Variants in PDXK observed in about 807,000 individuals in gnomAD.
PDXK encodes the protein epididymis secretory sperm binding protein Li 1a.
In PDXK, 15 loss-of-function variants were observed where a neutral mutation model predicts 43.2. The observed-to-expected ratio is 0.35, with a 90% CI of 0.23 to 0.53. The LOEUF (loss-of-function observed/expected upper bound fraction) is 0.53, where lower values mean the gene tolerates loss of function less well. Ranked by LOEUF, PDXK falls within the 20% of genes least tolerant of loss-of-function variation. The pLI is 0.92. For synonymous variants in PDXK, 172 were observed against 165.4 expected (o/e 1.04, Z -0.31); for missense variants, 343 against 417.0 (o/e 0.82, Z 1.54).
intron 1 of PDXK, among the ~76,000 whole-genome samples, chr21:43,720,066 G>C (rs894750054): frequency 2.0e-5 from 3 of 152,244 alleles, no homozygotes; most frequent in African/African-American, 7.2e-5. Flanking sequence ...GTGCGGATTG[G>C]CTTTAGGGAG....
At chr21:43,719,910 G>T in intron 1 of PDXK, 1 of 985,476 alleles carries the variant, frequency 1.0e-6, no homozygotes, top group Non-Finnish European at 1.2e-6. Flanking sequence ...GTGCCCACGA[G>T]GGTGGATTCC....
chr21:43,732,795 T>A lies in PDXK; in HGVS notation c.88-1274T>A. 1 of 595,326 alleles carries A rather than the reference T, an allele frequency of 1.7e-6. No individual in the cohort carries two copies. Among genetic ancestry groups the A allele is most frequent in the Non-Finnish European group, 3.0e-6 (1 of 338,600 alleles). The allele number at this position is 595,326 out of a possible 1,614,324, so 36.9% of individuals were successfully genotyped here. On this transcript the variant is annotated intron_variant, in intron 1 of 10. Coordinates refer to ENST00000291565, the MANE Select transcript of PDXK (RefSeq NM_003681.5). This position sits in a 1 kb window ranked among gnomAD's most constrained non-coding sequence, Gnocchi z 4.1. The stretch of plus-strand genomic sequence containing the variant: ...CATATTCTCACTCCGTCACCCAGGC[T>A]AGAGTGCAGTGGTGCCATCAGGGCT...
At chr21:43,750,979 T>TGCGC (rs1555885791) in intron 7 of PDXK, among the ~76,000 whole-genome samples, 5 of 148,288 alleles carry the variant, frequency 3.4e-5, no homozygotes, top group African/African-American at 1.3e-4. Context: ...TGTGTGTGTG[T>TGCGC]GCACATGTGT....
At chr21:43,728,645 A>C in intron 1 of PDXK, 1 of 811,684 alleles carries the variant, frequency 1.2e-6, no homozygotes, top group African/African-American at 1.8e-5. Flanking sequence ...GCTGCCGATA[A>C]GGCGCGCACG....
Position 43,753,723 on chromosome 21 carries a change from AG to A in PDXK, c.759+5del, listed in dbSNP as rs1434180980. The A allele has an allele frequency of 6.2e-7, 1 of 1,609,248 alleles. No homozygotes were observed. The highest frequency in any genetic ancestry group is 1.7e-5 in the Admixed American group (1 of 59,694). ...CAAGCACCCCAATAACCTCAAGGTC[AG>A]CCACACGCACCGCTCCCCTCCTCGC... On this transcript the variant is annotated splice_donor_5th_base_variant and intron_variant, in intron 9 of 10. Transcript: ENST00000291565.
intron 2 of PDXK, among the ~76,000 whole-genome samples, chr21:43,736,158 T>C (rs960430389): frequency 1.3e-5 from 2 of 152,178 alleles, no homozygotes; most frequent in Non-Finnish European, 2.9e-5. Flanking sequence ...ACCCTCTGTC[T>C]AAGGGCTAGA....
rs1444537224 is a variant in PDXK at position 43,732,448 on chromosome 21, T to C, written c.88-1621T>C. On this transcript the variant is annotated intron_variant, in intron 1 of 10. Transcript: ENST00000291565. The surrounding 1 kb of genome is among the most constrained non-coding windows in gnomAD (Gnocchi z 4.1). The stretch of plus-strand genomic sequence containing the variant: ...AATAAGCTGATTTTGATGGGGTGTG[T>C]GAAACGGAGATGCCAGCCCAGGGGC... The C allele has an allele frequency of 6.2e-7, 1 of 1,612,390 alleles. No individual in the cohort carries two copies.
rs1026094542 is a variant in PDXK, at chr21:43,735,206, G to T, written c.142+1083G>T. Among the ~76,000 whole-genome samples, 5 of 152,224 alleles carry T rather than the reference G, an allele frequency of 3.3e-5. No individual in the cohort carries two copies. The highest frequency in any genetic ancestry group is 5.9e-5 in the Non-Finnish European group (4 of 68,034). On this transcript the variant is annotated intron_variant, in intron 2 of 10. Transcript: ENST00000291565. This position sits in a 1 kb window ranked among gnomAD's most constrained non-coding sequence, Gnocchi z 5.3. ...CCCCGAAGACTCAGGCCCTCCAGGA[G>T]CCTCCCTGAACCCACATGTCCTTCC...
chr21:43,728,889 C>T (rs1463476333), intron 1 of PDXK: 3 of 985,430 alleles, frequency 3.0e-6, no homozygotes, highest in East Asian at 2.3e-4. Context: ...GAGGAAGTTG[C>T]GACCCTTTCT....
intron 1 of PDXK, among the ~76,000 whole-genome samples, chr21:43,726,290 T>G (rs1046133306): frequency 6.8e-6 from 1 of 146,848 alleles, no homozygotes; most frequent in African/African-American, 2.5e-5. Flanking sequence ...TTTTTTTTTT[T>G]GAGACGGAGT....
Position 43,760,164 on chromosome 21 carries a change from ATTTTTTGTTT to A in PDXK, c.*4118_*4127del, listed in dbSNP as rs900673093. 6.9e-6 allele frequency: 1 copy of A among 144,896 alleles called. No individual in the cohort carries two copies. The highest frequency in any genetic ancestry group is 1.5e-5 in the Non-Finnish European group (1 of 65,240). 9.0% of individuals were successfully genotyped at this position (144,896 alleles called of 1,614,324 possible). A position where few individuals can be genotyped will look rare whatever the true frequency, so the allele number is the denominator to read the frequency against. Reference sequence around the variant, plus strand: ...AGGTGGAAGGAGGTGGGAATCTTGGATTTTTTGTTTTTTTTTGTTTTTTTTTTTTTGAGGT... The same window carrying A: ...AGGTGGAAGGAGGTGGGAATCTTGGATTTTTTGTTTTTTTTTTTTTGAGGT... On this transcript the variant is annotated 3_prime_UTR_variant, in exon 11 of 11. Transcript: ENST00000291565.
At chr21:43,728,259 G>T (rs930392548) in intron 1 of PDXK, among the ~76,000 whole-genome samples, 1 of 152,198 alleles carries the variant, frequency 6.6e-6, no homozygotes, top group Admixed American at 6.5e-5. Context: ...AGTGGCAGGC[G>T]GTGGGAGGGA....
In PDXK at chr21:43,732,118, A is replaced by G; in HGVS notation, c.88-1951A>G. On this transcript the variant is annotated intron_variant, in intron 1 of 10. Coordinates refer to ENST00000291565, the MANE Select transcript of PDXK (RefSeq NM_003681.5). This position sits in a 1 kb window ranked among gnomAD's most constrained non-coding sequence, Gnocchi z 4.1. Reference sequence around the variant, plus strand: ...CCGGGGGAAGAAGAGCACTGCTGACAGAAGCCCATTCTCTTCGCAGGCTTC... The same window carrying G: ...CCGGGGGAAGAAGAGCACTGCTGACGGAAGCCCATTCTCTTCGCAGGCTTC... 1 of 1,315,348 alleles carries G rather than the reference A, an allele frequency of 7.6e-7. No individual in the cohort carries two copies. Among genetic ancestry groups the G allele is most frequent in the East Asian group, 3.2e-5 (1 of 31,600 alleles). The allele number at this position is 1,315,348 out of a possible 1,614,324, so 81.5% of individuals were successfully genotyped here.
chr21:43,753,524 G>T, intron 8 of PDXK, 59 bp from the exon 9 acceptor site: 1 of 1,557,792 alleles, frequency 6.4e-7, no homozygotes, highest in Non-Finnish European at 8.7e-7. Context: ...AGGGATGGGA[G>T]GCTGGCCCTG....
At chr21:43,750,277 G>C (rs2083711604) in intron 6 of PDXK, among the ~76,000 whole-genome samples, 1 of 152,272 alleles carries the variant, frequency 6.6e-6, no homozygotes, top group Non-Finnish European at 1.5e-5. Flanking sequence ...ATAAACAGCA[G>C]CCATGATTGG....
At chr21:43,722,861 G>A (rs547334105) in intron 1 of PDXK, among the ~76,000 whole-genome samples, 10 of 152,072 alleles carry the variant, frequency 6.6e-5, no homozygotes, top group East Asian at 1.9e-4. Context: ...TTTTTGAGAC[G>A]GAGTCTTGCT....
intron 3 of PDXK, among the ~76,000 whole-genome samples, chr21:43,743,263 C>G (rs1392522418): frequency 1.8e-5 from 2 of 108,376 alleles, no homozygotes; most frequent in South Asian, 3.8e-4. Flanking sequence ...CTCCCTCCCC[C>G]CAGCTCCCGA....
chr21:43,719,589 C>G, intron 1 of PDXK: 1 of 984,770 alleles, frequency 1.0e-6, no homozygotes, highest in Non-Finnish European at 1.2e-6. Flanking sequence ...CTGCGGGCCC[C>G]TGCGGGTGGG....
chr21:43,737,752 G>A lies in PDXK; in HGVS notation c.142+3629G>A, dbSNP rs1412449301. The A allele has an allele frequency of 2.0e-6, 2 of 985,270 alleles. No homozygotes were observed. The highest frequency in any genetic ancestry group is 2.4e-6 in the Non-Finnish European group (2 of 829,882). 61.0% of individuals were successfully genotyped at this position (985,270 alleles called of 1,614,324 possible). A position where few individuals can be genotyped will look rare whatever the true frequency, so the allele number is the denominator to read the frequency against. On this transcript the variant is annotated intron_variant, in intron 2 of 10. Transcript: ENST00000291565. The surrounding 1 kb of genome is among the most constrained non-coding windows in gnomAD (Gnocchi z 4.8). ...ACGGACACCAGCGAGGGGCCAGGCC[G>A]GGCCAGACTCCCTGGCCGGCTGGGA...
Sources: allele counts gnomAD v4.1 joint callset (sites outside exome capture counted in the v4.1 genomes callset), GRCh38; gene constraint gnomAD v4.1.1; non-coding constraint Gnocchi (gnomAD v3.1); transcripts MANE v1.5; gene names NCBI Gene and HGNC (gene_info 2026-07-23, HGNC 2026-07-21).